KLHL29: variants seen among roughly 807,000 people sequenced by gnomAD.
The protein encoded by KLHL29 is kelch-like protein 29.
In KLHL29, 21 loss-of-function variants were observed where a neutral mutation model predicts 80.4. The ratio of observed to expected loss-of-function variants is 0.26; its 90% CI spans 0.19 to 0.38. The LOEUF (loss-of-function observed/expected upper bound fraction) is 0.38. Ranked by LOEUF, KLHL29 falls within the 10% of genes least tolerant of loss-of-function variation. The probability of loss-of-function intolerance (pLI) is 1.00; values close to 1 mark genes in which losing one functional copy is unlikely to be tolerated. For synonymous variants in KLHL29, 511 were observed against 526.8 expected (o/e 0.97, Z 0.41); for missense variants, 867 against 1,223.9 (o/e 0.71, Z 4.35).
At position 23,593,490 on chromosome 2, in the gene KLHL29, ATCTGTTTGGTGCTGGTGCT is replaced by A. The variant is rs544646104; in HGVS notation, c.285+31014_285+31032del. 1.4e-3 allele frequency among the ~76,000 whole-genome samples: 206 copies of A among 152,292 alleles called. 5 individuals are homozygous for A. In the East Asian group the frequency reaches 0.036, roughly 27 times the overall value. On this transcript the variant is annotated intron_variant, in intron 3 of 13. Transcript: ENST00000486442. ...TCTAACAGATGCATCTATTCAGTGC[ATCTGTTTGGTGCTGGTGCT>A]TCTGGGTCCCCTTGGACAGCAGAAT...
rs946973306 is a variant in KLHL29 at position 23,681,944 on chromosome 2, G to A, written c.941-2455G>A. On this transcript the variant is annotated intron_variant, in intron 5 of 13. Transcript: ENST00000486442. The surrounding 1 kb of genome is among the most constrained non-coding windows in gnomAD (Gnocchi z 4.2). ...CCCTCCGCCTGGGCTGTGCGCAGGC[G>A]CCGCTGGGCTCTCTACCTTGTCTCT... Among the ~76,000 whole-genome samples, 57 of 152,168 alleles carry A rather than the reference G, an allele frequency of 3.7e-4. No individual in the cohort carries two copies. Among genetic ancestry groups the A allele is most frequent in the African/African-American group, 1.2e-3 (51 of 41,496 alleles).
At chr2:23,554,903 C>T (rs1667245079) in intron 2 of KLHL29, among the ~76,000 whole-genome samples, 1 of 152,228 alleles carries the variant, frequency 6.6e-6, no homozygotes, top group Non-Finnish European at 1.5e-5. Flanking sequence ...CCCCCCAACA[C>T]ACCAGCTGGT....
intron 1 of KLHL29, among the ~76,000 whole-genome samples, chr2:23,425,160 CAT>C (rs1315861714): frequency 2.0e-5 from 3 of 152,064 alleles, no homozygotes; most frequent in African/African-American, 7.2e-5. Context: ...ATAATATACT[CAT>C]ATAAAATATT....
At chr2:23,661,070 G>C (rs955710281) in intron 5 of KLHL29, among the ~76,000 whole-genome samples, 1 of 152,030 alleles carries the variant, frequency 6.6e-6, no homozygotes, top group Non-Finnish European at 1.5e-5. Flanking sequence ...GCCAGGCATT[G>C]TGTCTCACAC....
intron 6 of KLHL29, among the ~76,000 whole-genome samples, chr2:23,685,870 C>T (rs1268786104): frequency 6.6e-5 from 10 of 152,286 alleles, no homozygotes; most frequent in East Asian, 1.9e-4. Context: ...CATGGATGAG[C>T]GTCCTAGGGT....
chr2:23,544,570 A>G (rs182856281), intron 2 of KLHL29, among the ~76,000 whole-genome samples: 1 of 152,336 alleles, frequency 6.6e-6, no homozygotes, highest in East Asian at 1.9e-4. Context: ...CAGAAATCTA[A>G]GTAAGTAAAC....
At chr2:23,638,480 C>T (rs1669677991) in intron 3 of KLHL29, among the ~76,000 whole-genome samples, 1 of 152,124 alleles carries the variant, frequency 6.6e-6, no homozygotes, top group Non-Finnish European at 1.5e-5. Context: ...TGTCTCCTTC[C>T]TGCACAGAGG....
intron 3 of KLHL29, among the ~76,000 whole-genome samples, chr2:23,589,704 A>T (rs897761570): frequency 9.2e-5 from 14 of 152,190 alleles, no homozygotes; most frequent in Non-Finnish European, 1.6e-4. Context: ...TCAGAGGAAA[A>T]TCTGAGTTGA....
intron 2 of KLHL29, among the ~76,000 whole-genome samples, chr2:23,496,616 G>A (rs2103451712): frequency 6.6e-6 from 1 of 152,344 alleles, no homozygotes; most frequent in Non-Finnish European, 1.5e-5. Flanking sequence ...AGTGCAGCCT[G>A]GGCAGGAAGC....
At position 23,420,854 on chromosome 2, in the gene KLHL29, G is replaced by A. The variant is rs57384269; in HGVS notation, c.-154+35074G>A. ...TGGCACATGTACGACTCATCTTTCC[G>A]CCACCCCCCCACCCAAATTATACCC... On this transcript the variant is annotated intron_variant, in intron 1 of 13. Coordinates refer to ENST00000486442, the MANE Select transcript of KLHL29 (RefSeq NM_052920.2). Among the ~76,000 whole-genome samples, 199 of 152,060 alleles carry A rather than the reference G, an allele frequency of 1.3e-3. 4 individuals are homozygous for A. The East Asian group carries it at 0.037, about 28-fold the overall frequency.
intron 5 of KLHL29, among the ~76,000 whole-genome samples, chr2:23,678,190 G>T (rs1000529079): frequency 6.6e-6 from 1 of 152,174 alleles, no homozygotes; most frequent in African/African-American, 2.4e-5. Context: ...TCTGTTTGTG[G>T]CTTCACTCTC....
At chr2:23,551,801 A>G (rs4665224) in intron 2 of KLHL29, among the ~76,000 whole-genome samples, 23,206 of 152,152 alleles carry the variant, frequency 0.15, 2,625 homozygotes, top group African/African-American at 0.29. Context: ...TTAAAAATGC[A>G]GATTCTGACT....
chr2:23,474,937 A>G (rs1026684966), intron 1 of KLHL29, among the ~76,000 whole-genome samples: 2 of 152,060 alleles, frequency 1.3e-5, no homozygotes, highest in African/African-American at 4.8e-5. Context: ...TACATTTAAA[A>G]GAAGGAACCA....
intron 13 of KLHL29, among the ~76,000 whole-genome samples, chr2:23,705,095 G>A (rs1384623386): frequency 6.6e-6 from 1 of 152,242 alleles, no homozygotes; most frequent in African/African-American, 2.4e-5. Flanking sequence ...CCCTAATGGT[G>A]GCAGTGTGCA....
chr2:23,572,258 A>G (rs1027314359), intron 3 of KLHL29, among the ~76,000 whole-genome samples: 1 of 151,996 alleles, frequency 6.6e-6, no homozygotes. Flanking sequence ...GGGCCTTTGC[A>G]CCTGCCACTC....
At chr2:23,585,290 G>A (rs749436254) in intron 3 of KLHL29, among the ~76,000 whole-genome samples, 19 of 152,236 alleles carry the variant, frequency 1.2e-4, no homozygotes, top group South Asian at 4.1e-4. Context: ...GGTGGAATCC[G>A]TTACTGAAAG....
intron 3 of KLHL29, among the ~76,000 whole-genome samples, chr2:23,607,771 A>T (rs1365131281): frequency 6.6e-6 from 1 of 152,180 alleles, no homozygotes; most frequent in African/African-American, 2.4e-5. Flanking sequence ...AGAATCTAAT[A>T]CCCGATGATC....
intron 2 of KLHL29, among the ~76,000 whole-genome samples, chr2:23,548,665 C>T (rs545148302): frequency 1.3e-4 from 20 of 152,326 alleles, no homozygotes; most frequent in Middle Eastern, 3.4e-3. Context: ...GGCCCCCAGC[C>T]GACCAGCAGT....
intron 5 of KLHL29, chr2:23,668,838 CAG>C (rs1421142052): frequency 6.6e-6 from 1 of 152,542 alleles, no homozygotes; most frequent in East Asian, 1.9e-4. Flanking sequence ...GGGCCACCCT[CAG>C]TCCCTTCCCC....
Sources: gnomAD v4.1 joint callset for allele counts (sites outside exome capture counted in the v4.1 genomes callset) on GRCh38, gnomAD v4.1.1 for gene constraint, Gnocchi (gnomAD v3.1) non-coding constraint, MANE v1.5 for transcripts, NCBI Gene and HGNC (gene_info 2026-07-23, HGNC 2026-07-21) for gene names.